Variants in CCSER1 observed in about 807,000 individuals in gnomAD.
The protein encoded by CCSER1 is serine-rich coiled-coil domain-containing protein 1.
A neutral mutation model predicts 82.0 loss-of-function variants in CCSER1; 41 were observed. The observed-to-expected ratio is 0.50, with a 90% CI of 0.39 to 0.65. The LOEUF is 0.65. Ranked by LOEUF, CCSER1 falls within the 30% of genes least tolerant of loss-of-function variation. The pLI, the probability that CCSER1 is intolerant of heterozygous loss-of-function variation, is 0.00. For synonymous variants in CCSER1, 414 were observed against 383.9 expected, an observed-to-expected ratio of 1.08 and a Z score of -0.92; for missense variants, 1,119 against 1,064.2, an observed-to-expected ratio of 1.05 and a Z score of -0.72.
Position 90,747,731 on chromosome 4 carries a change from C to T in CCSER1, c.2010+23740C>T, listed in dbSNP as rs543366854. On this transcript the variant is annotated intron_variant, in intron 7 of 10. Coordinates refer to ENST00000509176, the MANE Select transcript of CCSER1 (RefSeq NM_001145065.2). ...GTTAGTTACATATGTATACATGTGA[C>T]ATGCTGGTGCGCTGCACCCAGTAAC... is the stretch of plus-strand genomic sequence containing the variant. Among the ~76,000 whole-genome samples the T allele has an allele frequency of 2.6e-5, 4 of 151,238 alleles. No individual in the cohort carries two copies. The South Asian group carries it at 8.4e-4, about 32-fold the overall frequency.
At chr4:91,106,743 A>G (rs544016248) in intron 10 of CCSER1, among the ~76,000 whole-genome samples, 2 of 152,288 alleles carry the variant, frequency 1.3e-5, no homozygotes, top group East Asian at 3.9e-4. Flanking sequence ...ACACCACTGT[A>G]CTCTGTGCAA....
intron 1 of CCSER1, among the ~76,000 whole-genome samples, chr4:90,146,427 T>G (rs1456670168): frequency 6.6e-6 from 1 of 152,062 alleles, no homozygotes; most frequent in Admixed American, 6.6e-5. Flanking sequence ...AAAAATCATC[T>G]CTTTTACGGT....
chr4:90,505,270 C>A (rs1385534269), intron 5 of CCSER1, among the ~76,000 whole-genome samples: 1 of 152,220 alleles, frequency 6.6e-6, no homozygotes, highest in African/African-American at 2.4e-5. Context: ...CCATCTGGGG[C>A]ACCCAGACAA....
intron 5 of CCSER1, among the ~76,000 whole-genome samples, chr4:90,546,862 G>T (rs927368461): frequency 2.0e-5 from 3 of 151,820 alleles, no homozygotes; most frequent in African/African-American, 7.3e-5. Context: ...TCTTTTTCAG[G>T]TTTACCTTAT....
intron 4 of CCSER1, among the ~76,000 whole-genome samples, chr4:90,456,929 G>A (rs537666152): frequency 1.3e-5 from 2 of 152,286 alleles, no homozygotes; most frequent in South Asian, 4.1e-4. Flanking sequence ...GTTTTGCTCA[G>A]GACCACTGGA....
chr4:91,577,429 A>G (rs902870942), intron 10 of CCSER1, among the ~76,000 whole-genome samples: 1 of 152,054 alleles, frequency 6.6e-6, no homozygotes, highest in African/African-American at 2.4e-5. Context: ...TGCGGATTCA[A>G]TAACTTTTCC....
At chr4:90,639,022 T>G (rs955117687) in intron 6 of CCSER1, among the ~76,000 whole-genome samples, 8 of 152,060 alleles carry the variant, frequency 5.3e-5, no homozygotes, top group African/African-American at 1.9e-4. Context: ...CAATAAAATG[T>G]GTACAGAACA....
rs1763907128 is a variant in CCSER1 at position 90,468,351 on chromosome 4, A to G, written c.1721A>G (p.Lys574Arg). 1 of 1,601,428 alleles carries G rather than the reference A, an allele frequency of 6.2e-7. No individual in the cohort carries two copies. The highest frequency in any genetic ancestry group is 1.3e-5 in the African/African-American group (1 of 74,828). The change falls in exon 5 of 11, where the codon AAA becomes AGA. Residue 574 changes from lysine (K) to arginine (R), a missense_variant. Coordinates refer to ENST00000509176, the MANE Select transcript of CCSER1 (RefSeq NM_001145065.2). ...GAACCAGAATTTCCTGAGCCTTCCA[A>G]ACAGTGAGTTGTTCATTTAATTTTT... ...REEPEFPEPS[K>R]QNLSLKLTKD...
chr4:90,905,164 A>C (rs1471005036), intron 8 of CCSER1, among the ~76,000 whole-genome samples: 2 of 151,992 alleles, frequency 1.3e-5, no homozygotes. Context: ...TTATCCTCTA[A>C]ATTTCCTTTC....
chr4:91,016,957 A>G (rs576829970), intron 9 of CCSER1, among the ~76,000 whole-genome samples: 1 of 152,266 alleles, frequency 6.6e-6, no homozygotes, highest in Admixed American at 6.5e-5. Flanking sequence ...ACAAGGAAAA[A>G]TCTTGTAGAA....
At chr4:91,342,883 T>C (rs1490739183) in intron 10 of CCSER1, among the ~76,000 whole-genome samples, 1 of 152,146 alleles carries the variant, frequency 6.6e-6, no homozygotes, top group East Asian at 1.9e-4. Flanking sequence ...ATTCATCATT[T>C]TCCTTGAGAA....
chr4:91,116,982 T>A (rs1726675532), intron 10 of CCSER1, among the ~76,000 whole-genome samples: 1 of 152,170 alleles, frequency 6.6e-6, no homozygotes, highest in Non-Finnish European at 1.5e-5. Flanking sequence ...AGAAATAAAT[T>A]TGCATATAAA....
intron 5 of CCSER1, among the ~76,000 whole-genome samples, chr4:90,506,706 A>G (rs1770739640): frequency 6.6e-6 from 1 of 152,038 alleles, no homozygotes; most frequent in Admixed American, 6.6e-5. Flanking sequence ...CGGAGGTCAC[A>G]TTGAGCCAAA....
intron 9 of CCSER1, among the ~76,000 whole-genome samples, chr4:90,958,674 C>T (rs949383762): frequency 6.6e-6 from 1 of 152,008 alleles, no homozygotes; most frequent in South Asian, 2.1e-4. Context: ...GTGGAATTCT[C>T]GTGAACAGGA....
chr4:90,309,241 G>A lies in CCSER1; in HGVS notation c.957G>A (p.Met319Ile). The A allele has an allele frequency of 6.2e-7, 1 of 1,613,868 alleles. No homozygotes were observed. The highest frequency in any genetic ancestry group is 8.5e-7 in the Non-Finnish European group (1 of 1,179,834). ...ELTGTVPCAI[M>I]SPGKYRLEGQ... ...CGGGAACTGTTCCCTGTGCAATTAT[G>A]TCTCCTGGGAAATATAGGTTAGAGG... The change falls in exon 2 of 11, where the codon ATG (methionine) becomes ATA (isoleucine). Residue 319 changes from methionine to isoleucine, a missense_variant. By Grantham distance (10) the Met-to-Ile change is conservative. Coordinates refer to ENST00000509176, the MANE Select transcript of CCSER1 (RefSeq NM_001145065.2).
intron 1 of CCSER1, among the ~76,000 whole-genome samples, chr4:90,147,031 T>A (rs1477505225): frequency 6.6e-6 from 1 of 152,148 alleles, no homozygotes; most frequent in Non-Finnish European, 1.5e-5. Flanking sequence ...ATTTTATTTA[T>A]TTATTTACTT....
intron 10 of CCSER1, among the ~76,000 whole-genome samples, chr4:91,094,130 G>A (rs2870296): frequency 0.67 from 101,397 of 152,078 alleles, 34,281 homozygotes; most frequent in East Asian, 0.95. Flanking sequence ...CCCATCTGCC[G>A]TGGAGTGTCC....
intron 10 of CCSER1, among the ~76,000 whole-genome samples, chr4:91,553,761 A>G (rs1198841149): frequency 6.6e-6 from 1 of 151,006 alleles, no homozygotes; most frequent in Admixed American, 6.6e-5. Flanking sequence ...TATCAGTTGT[A>G]GAGTCTTCTT....
intron 10 of CCSER1, among the ~76,000 whole-genome samples, chr4:91,230,063 G>A (rs1329666979): frequency 6.6e-6 from 1 of 151,960 alleles, no homozygotes. Flanking sequence ...ACAGATAAGA[G>A]TTTTTGAACA....
Sources: allele counts gnomAD v4.1 joint callset (sites outside exome capture counted in the v4.1 genomes callset), GRCh38; gene constraint gnomAD v4.1.1; transcripts MANE v1.5; gene names NCBI Gene and HGNC (gene_info 2026-07-23, HGNC 2026-07-21).